Variants in CDH23 observed in about 807,000 individuals in gnomAD.
CDH23 encodes the protein cadherin-23.
A neutral mutation model predicts 317.1 loss-of-function variants in CDH23; 189 were observed. The ratio of observed to expected loss-of-function variants is 0.60; its 90% confidence interval spans 0.53 to 0.67. The LOEUF is 0.67. CDH23 is among the 30% of genes least tolerant of loss of function. The pLI is 0.00. For synonymous variants in CDH23, 1,839 were observed against 1,876.8 expected, an observed-to-expected ratio of 0.98 and a Z score of 0.52; for missense variants, 4,401 against 4,592.4, an observed-to-expected ratio of 0.96 and a Z score of 1.20.
In CDH23 at chr10:71,725,414, T is replaced by C. The variant is rs754600381; in HGVS notation, c.3473T>C (p.Leu1158Pro). The change falls in exon 30 of 70, where the codon CTC becomes CCC. Residue 1158 changes from leucine to proline, a missense_variant. Leu to Pro is a moderately conservative substitution (Grantham distance 98, BLOSUM62 -3). Transcript: ENST00000224721. ...NNFRIHVSNG[L>P]LMRGPRPLDR... is the part of the protein sequence containing the mutation. ...TTCCGGATCCATGTCAGCAATGGGC[T>C]CCTGATGCGAGGGCCCCGGCCCCTG... 1 of 1,614,038 alleles carries C rather than the reference T, an allele frequency of 6.2e-7. No individual in the cohort carries two copies. The highest frequency in any genetic ancestry group is 1.1e-5 in the South Asian group (1 of 91,082).
At position 71,742,081 on chromosome 10, in the gene CDH23, C is replaced by T. The variant is rs1564770045; in HGVS notation, c.4845+160C>T. 38 of 681,672 alleles carry T rather than the reference C, an allele frequency of 5.6e-5. No individual in the cohort carries two copies. The South Asian group carries it at 7.2e-4, about 13-fold the overall frequency. The allele number at this position is 681,672 out of a possible 1,614,324, so 42.2% of individuals were successfully genotyped here. ...CCTTTAGTCCATCTGCCCAAGATGGCCTCCCCTTACGGAGGCCTGTTGCGT... is the reference window on the plus strand; with the variant it reads ...CCTTTAGTCCATCTGCCCAAGATGGTCTCCCCTTACGGAGGCCTGTTGCGT... On this transcript the variant is annotated intron_variant, in intron 38 of 69. Coordinates refer to ENST00000224721, the MANE Select transcript of CDH23 (RefSeq NM_022124.6).
chr10:71,716,517 T>G (rs1866250095), intron 28 of CDH23: 1 of 553,940 alleles, frequency 1.8e-6, no homozygotes, highest in Non-Finnish European at 3.1e-6. Context: ...CAAGTCTAAG[T>G]GTACACACAG....
In CDH23 at chr10:71,779,419, G is replaced by A. The variant is rs1384597760; in HGVS notation, c.5340G>A (p.Glu1780=). The change falls in exon 41 of 70, where the codon GAG becomes GAA. Residue 1780 remains glutamate, a synonymous_variant. Transcript: ENST00000224721. ...DRDSGPNGQV[E]YSIMDGDPLG... is the part of the protein sequence containing the mutation. ...ACTCAGGACCCAACGGGCAGGTGGA[G>A]TACAGCATCATGGATGGAGACCCTC... The A allele has an allele frequency of 6.2e-7, 1 of 1,610,588 alleles. No homozygotes were observed. The highest frequency in any genetic ancestry group is 1.7e-4 in the Middle Eastern group (1 of 6,056).
chr10:71,431,393 T>C (rs1849365650), intron 1 of CDH23, among the ~76,000 whole-genome samples: 1 of 152,150 alleles, frequency 6.6e-6, no homozygotes, highest in Non-Finnish European at 1.5e-5. Flanking sequence ...GAGGTGGTCT[T>C]GTCTACTCTT....
Position 71,751,924 on chromosome 10 carries a change from G to T in CDH23, c.4845+10003G>T. On this transcript the variant is annotated intron_variant, in intron 38 of 69. Transcript: ENST00000224721. This position sits in a 1 kb window ranked among gnomAD's most constrained non-coding sequence, Gnocchi z 4.9. ...CCGGAGCGTGAACTCTGCCCTCCCTGCCCCCAGTTTTTCTCTCCTCCCTTT... is the reference window on the plus strand; with the variant it reads ...CCGGAGCGTGAACTCTGCCCTCCCTTCCCCCAGTTTTTCTCTCCTCCCTTT... 4 of 1,482,772 alleles carry T rather than the reference G, an allele frequency of 2.7e-6. No individual in the cohort carries two copies. The highest frequency in any genetic ancestry group is 3.7e-6 in the Non-Finnish European group (4 of 1,093,674). 91.9% of individuals were successfully genotyped at this position (1,482,772 alleles called of 1,614,324 possible).
At position 71,812,887 on chromosome 10, in the gene CDH23, C is replaced by G. The variant is rs1441615479; in HGVS notation, c.9630C>G (p.Ile3210Met). ...GCCAGATCATTCGTGAGGGGCCAAT[C>G]AAGGTGAGCCTTCCCTGCAGGCTCC... ...KLGQIIREGP[I>M]KGSLLKVVLE... Residue 3210 changes from isoleucine to methionine, a missense_variant, in exon 68 of 70, where the codon ATC becomes ATG. Ile to Met is a conservative substitution (Grantham distance 10). Around this residue, in one of 3 missense-constraint regions of CDH23, gnomAD observed 1,144 missense variants for 1,138.2 expected, o/e 1.01. Coordinates refer to ENST00000224721, the MANE Select transcript of CDH23 (RefSeq NM_022124.6). 6.2e-7 allele frequency: 1 copy of G among 1,613,308 alleles called. No individual in the cohort carries two copies. The highest frequency in any genetic ancestry group is 8.5e-7 in the Non-Finnish European group (1 of 1,179,672).
In CDH23 at chr10:71,793,235, G is replaced by T. The variant is rs1397549896; in HGVS notation, c.6307G>T (p.Glu2103Ter). Residue 2103 changes from glutamate (E) to a stop codon, truncating the protein, a stop_gained, in exon 48 of 70, where the codon GAG (glutamate) becomes TAG (stop). Coordinates refer to ENST00000224721, the MANE Select transcript of CDH23 (RefSeq NM_022124.6). LOFTEE classifies it high-confidence loss of function. ...ATDEDSGLNG[E>*]LVYRIEAGAQ... ...AGATGAGGACAGTGGCCTCAATGGG[G>T]AGCTGGTCTACCGAATAGAAGCTGG... is the stretch of plus-strand genomic sequence containing the variant. 1 of 1,613,840 alleles carries T rather than the reference G, an allele frequency of 6.2e-7. No individual in the cohort carries two copies. The highest frequency in any genetic ancestry group is 8.5e-7 in the Non-Finnish European group (1 of 1,179,858).
intron 28 of CDH23, among the ~76,000 whole-genome samples, chr10:71,720,025 G>A (rs1440224843): frequency 2.0e-5 from 3 of 152,210 alleles, no homozygotes; most frequent in African/African-American, 4.8e-5. Context: ...CTGCCTCTGC[G>A]GCCCCATGGC....
intron 38 of CDH23, chr10:71,752,146 A>T: frequency 1.7e-6 from 1 of 582,254 alleles, no homozygotes; most frequent in Non-Finnish European, 3.2e-6. Context: ...GAAGCCAAAA[A>T]TCACAGACAC....
At chr10:71,517,016 C>T (rs1309952187) in intron 6 of CDH23, among the ~76,000 whole-genome samples, 1 of 152,198 alleles carries the variant, frequency 6.6e-6, no homozygotes, top group Non-Finnish European at 1.5e-5. Flanking sequence ...ATCCTCAGCA[C>T]CCTGCCCCAG....
chr10:71,802,621 C>A (rs958281478), intron 53 of CDH23, among the ~76,000 whole-genome samples: 3 of 152,116 alleles, frequency 2.0e-5, no homozygotes, highest in Admixed American at 6.5e-5. Context: ...GCTTCAGGGC[C>A]CAGGTGCAGA....
intron 9 of CDH23, among the ~76,000 whole-genome samples, chr10:71,606,460 A>G (rs1399902286): frequency 6.6e-6 from 1 of 152,186 alleles, no homozygotes; most frequent in Non-Finnish European, 1.5e-5. Context: ...GTGTGACATC[A>G]GGAGTCACCC....
intron 11 of CDH23, among the ~76,000 whole-genome samples, chr10:71,618,524 C>T (rs1861307435): frequency 6.6e-6 from 1 of 152,218 alleles, no homozygotes; most frequent in African/African-American, 2.4e-5. Context: ...ATTGCTGCTG[C>T]TCCTCCTGGC....
intron 6 of CDH23, 40 bp downstream of exon 6, chr10:71,511,252 C>A: frequency 4.6e-6 from 7 of 1,528,854 alleles, no homozygotes; most frequent in Non-Finnish European, 6.3e-6. Flanking sequence ...TATCAGAGAC[C>A]TGCTGCTCCC....
intron 6 of CDH23, among the ~76,000 whole-genome samples, chr10:71,529,357 C>T (rs1855226634): frequency 6.6e-6 from 1 of 152,144 alleles, no homozygotes; most frequent in African/African-American, 2.4e-5. Flanking sequence ...CAGGGCCGCC[C>T]TCTGGGGTCA....
intron 9 of CDH23, among the ~76,000 whole-genome samples, chr10:71,609,372 T>C (rs577623784): frequency 9.9e-5 from 15 of 151,658 alleles, no homozygotes; most frequent in African/African-American, 3.4e-4. Flanking sequence ...GCCCTCTAGC[T>C]GCCACTCAGC....
At chr10:71,741,991 C>A in intron 38 of CDH23, 70 bp downstream of exon 38, 3 of 1,237,122 alleles carry the variant, frequency 2.4e-6, no homozygotes, top group Non-Finnish European at 3.4e-6. Flanking sequence ...GTGAGGGGAA[C>A]AAGATGGGTG....
At chr10:71,642,468 G>A (rs548385390) in intron 11 of CDH23, among the ~76,000 whole-genome samples, 1 of 130,650 alleles carries the variant, frequency 7.7e-6, no homozygotes, top group South Asian at 2.5e-4. Flanking sequence ...GCATGATCTC[G>A]TCTCACTCCA....
chr10:71,699,068 C>A (rs1174691862), intron 22 of CDH23, among the ~76,000 whole-genome samples: 1 of 152,248 alleles, frequency 6.6e-6, no homozygotes, highest in African/African-American at 2.4e-5. Flanking sequence ...TAAATGGTAG[C>A]TGTCACCATC....
Sources: gnomAD v4.1 joint callset for allele counts (sites outside exome capture counted in the v4.1 genomes callset) on GRCh38, gnomAD v4.1.1 for gene constraint, gnomAD v4.1.1 regional missense constraint, Gnocchi (gnomAD v3.1) non-coding constraint, MANE v1.5 for transcripts, NCBI Gene and HGNC (gene_info 2026-07-23, HGNC 2026-07-21) for gene names.